TMEM242: variants seen among roughly 807,000 people sequenced by gnomAD.
TMEM242 encodes UPF0463 transmembrane protein C6orf35.
In TMEM242, 10 loss-of-function variants were observed where a neutral mutation model predicts 18.2. The ratio of observed to expected loss-of-function variants is 0.55; its 90% CI spans 0.34 to 0.93. The LOEUF (loss-of-function observed/expected upper bound fraction) is 0.93, where lower values mean the gene tolerates loss of function less well. Among genes scored for constraint, TMEM242 ranks in the 40% least tolerant of loss-of-function variants. The probability of loss-of-function intolerance (pLI) is 0.02; values close to 1 mark genes in which losing one functional copy is unlikely to be tolerated. For synonymous variants in TMEM242, 57 were observed against 69.9 expected, an observed-to-expected ratio of 0.81 and a Z score of 0.92; for missense variants, 186 against 175.5, an observed-to-expected ratio of 1.06 and a Z score of -0.34.
intron 3 of TMEM242, among the ~76,000 whole-genome samples, chr6:157,311,318 G>A (rs373630032): frequency 1.7e-3 from 21 of 12,478 alleles, no homozygotes; most frequent in East Asian, 5.2e-3. Flanking sequence ...CCCAGTGTGT[G>A]TTCACCTAGC....
intron 1 of TMEM242, 45 bp downstream of exon 1, chr6:157,323,367 G>A: frequency 6.3e-7 from 1 of 1,597,994 alleles, no homozygotes; most frequent in Non-Finnish European, 8.6e-7. Flanking sequence ...CAGGGTCCGG[G>A]GTTAACTCAC....
intron 2 of TMEM242, among the ~76,000 whole-genome samples, chr6:157,319,761 G>A (rs146462678): frequency 0.032 from 4,936 of 152,272 alleles, 131 homozygotes; most frequent in Admixed American, 0.047. Flanking sequence ...TAGAATCCCA[G>A]GCTAATGGAT....
intron 3 of TMEM242, among the ~76,000 whole-genome samples, chr6:157,310,127 C>T (rs1325238067): frequency 6.6e-6 from 1 of 152,178 alleles, no homozygotes; most frequent in Non-Finnish European, 1.5e-5. Context: ...CTATAAATAA[C>T]CTAAACCTCT....
chr6:157,303,316 A>G (rs1678713993), intron 3 of TMEM242, among the ~76,000 whole-genome samples: 1 of 152,236 alleles, frequency 6.6e-6, no homozygotes, highest in South Asian at 2.1e-4. Flanking sequence ...CACAGACCCC[A>G]TCTAGAGAGA....
chr6:157,304,850 T>C (rs1266967232), intron 3 of TMEM242, among the ~76,000 whole-genome samples: 3 of 152,162 alleles, frequency 2.0e-5, no homozygotes, highest in Non-Finnish European at 4.4e-5. Context: ...CAGCCAGCGA[T>C]GCAAGGACCT....
At chr6:157,310,163 T>C (rs374143553) in intron 3 of TMEM242, among the ~76,000 whole-genome samples, 1 of 152,240 alleles carries the variant, frequency 6.6e-6, no homozygotes, top group Non-Finnish European at 1.5e-5. Context: ...TATCAACACG[T>C]ACTATAAATA....
chr6:157,310,110 A>T (rs1240953398), intron 3 of TMEM242, among the ~76,000 whole-genome samples: 1 of 152,236 alleles, frequency 6.6e-6, no homozygotes, highest in Non-Finnish European at 1.5e-5. Context: ...AACTCAAGGT[A>T]GTCTAGCTAT....
At chr6:157,304,186 C>T (rs933701462) in intron 3 of TMEM242, among the ~76,000 whole-genome samples, 6 of 151,970 alleles carry the variant, frequency 3.9e-5, no homozygotes, top group Admixed American at 3.3e-4. Context: ...ATTCATTAGC[C>T]TGGGCGCAGT....
chr6:157,290,650 G>A lies in TMEM242; in HGVS notation c.*2251C>T, dbSNP rs1207737734. On this transcript the variant is annotated 3_prime_UTR_variant, in exon 4 of 4. Coordinates refer to ENST00000400788, the MANE Select transcript of TMEM242 (RefSeq NM_018452.6). Reference sequence around the variant, plus strand: ...GGTACAAAAGGAATAGACAAATGACGAAATCTACTGATATTCAAGTTCTGA... The same window carrying A: ...GGTACAAAAGGAATAGACAAATGACAAAATCTACTGATATTCAAGTTCTGA... The A allele has an allele frequency of 3.3e-5, 5 of 152,156 alleles. No individual in the cohort carries two copies. The highest frequency in any genetic ancestry group is 7.2e-5 in the African/African-American group (3 of 41,444). 9.4% of individuals were successfully genotyped at this position (152,156 alleles called of 1,614,324 possible).
intron 3 of TMEM242, among the ~76,000 whole-genome samples, chr6:157,313,758 C>A: frequency 6.8e-6 from 1 of 147,500 alleles, no homozygotes; most frequent in Non-Finnish European, 1.5e-5. Context: ...ACCCACTGTG[C>A]GCTCACCTGG....
At position 157,308,041 on chromosome 6, in the gene TMEM242, T is replaced by C. The variant is rs1190336766; in HGVS notation, c.327+10741A>G. Among the ~76,000 whole-genome samples, 4 of 152,288 alleles carry C rather than the reference T, an allele frequency of 2.6e-5. No individual in the cohort carries two copies. The East Asian group carries it at 5.8e-4, about 22-fold the overall frequency. On this transcript the variant is annotated intron_variant, in intron 3 of 3. Coordinates refer to ENST00000400788, the MANE Select transcript of TMEM242 (RefSeq NM_018452.6). ...CTCAGAAGTGGCTGCCATTAAACAA[T>C]TGGCCAGGAGACTCAGTTTTGTTTT...
Position 157,292,968 on chromosome 6 carries a change from A to C in TMEM242, c.359T>G (p.Ile120Arg). Residue 120 changes from isoleucine (I) to arginine (R), a missense_variant, in exon 4 of 4, where the codon ATA (isoleucine) becomes AGA (arginine). Transcript: ENST00000400788. ...MNDFRSKMQSIFPTIPKNSES... is the reference protein window; with the variant it reads ...MNDFRSKMQSRFPTIPKNSES... ...GGAGTTCTTGGGAATTGTTGGAAAT[A>C]TTGATTGCATTTTACTTCGAAAGTC... is the stretch of plus-strand genomic sequence containing the variant. 2 of 1,613,904 alleles carry C rather than the reference A, an allele frequency of 1.2e-6. No individual in the cohort carries two copies. Among genetic ancestry groups the C allele is most frequent in the Non-Finnish European group, 1.7e-6 (2 of 1,179,752 alleles).
chr6:157,314,265 C>T (rs967397673), intron 3 of TMEM242, among the ~76,000 whole-genome samples: 1 of 149,652 alleles, frequency 6.7e-6, no homozygotes, highest in Admixed American at 6.6e-5. Context: ...TCCCAGTGTG[C>T]GCTCACCTGG....
At chr6:157,322,891 A>T in intron 1 of TMEM242, 86 bp from the exon 2 acceptor site, 1 of 1,120,306 alleles carries the variant, frequency 8.9e-7, no homozygotes, top group South Asian at 1.4e-5. Context: ...TAAGTTTAAG[A>T]TACTATTCGA....
intron 3 of TMEM242, among the ~76,000 whole-genome samples, chr6:157,298,329 G>A (rs587700219): frequency 2.5e-4 from 38 of 152,210 alleles, no homozygotes; most frequent in Admixed American, 9.8e-4. Context: ...TTCCTTTCCC[G>A]GCCAAACAAA....
At chr6:157,298,532 C>A (rs9347823) in intron 3 of TMEM242, among the ~76,000 whole-genome samples, 4,774 of 152,240 alleles carry the variant, frequency 0.031, 108 homozygotes, top group East Asian at 0.15. Context: ...AGCTGCAGTC[C>A]CCACTTCATG....
At chr6:157,310,909 CCCCAGTGTGCACTCACCTAGCCTCATCAT>C (rs1778023714) in intron 3 of TMEM242, among the ~76,000 whole-genome samples, 1 of 4,410 alleles carries the variant, frequency 2.3e-4, no homozygotes, top group African/African-American at 9.3e-4. Context: ...CATCATAGTG[CCCCAGTGTGCACTCACCTAGCCTCATCAT>C]AGTGCCCCAG....
At chr6:157,312,464 GTGCACTCACCTA>G (rs1778189549) in intron 3 of TMEM242, among the ~76,000 whole-genome samples, 1 of 55,936 alleles carries the variant, frequency 1.8e-5, no homozygotes, top group African/African-American at 6.8e-5. Context: ...GTGCCCCAGC[GTGCACTCACCTA>G]GCCTCATCAT....
At chr6:157,312,878 T>A (rs1554249479) in intron 3 of TMEM242, among the ~76,000 whole-genome samples, 14 of 151,996 alleles carry the variant, frequency 9.2e-5, no homozygotes, top group Non-Finnish European at 1.5e-5. Context: ...CAGTGTGCAC[T>A]CACCTAGCCT....
Sources: allele counts gnomAD v4.1 joint callset (sites outside exome capture counted in the v4.1 genomes callset), GRCh38; gene constraint gnomAD v4.1.1; transcripts MANE v1.5; gene names NCBI Gene and HGNC (gene_info 2026-07-23, HGNC 2026-07-21).